RNF145: variants seen among roughly 807,000 people sequenced by gnomAD.
RNF145 encodes the protein ring finger protein 145.
Under a neutral mutation model 57.3 loss-of-function variants are expected in RNF145, and 12 were observed. The ratio of observed to expected loss-of-function variants is 0.21; its 90% CI spans 0.13 to 0.34. The LOEUF (loss-of-function observed/expected upper bound fraction) is 0.34. Ranked by LOEUF, RNF145 falls within the 10% of genes least tolerant of loss-of-function variation. RNF145 has a pLI of 1.00. For missense variants in RNF145, 429 were observed against 799.0 expected (o/e 0.54, Z 5.58); for synonymous variants, 262 against 288.3 (o/e 0.91, Z 0.92).
chr5:159,158,739 T>G lies in RNF145; in HGVS notation c.1923A>C (p.Glu641Asp), dbSNP rs753811400. Residue 641 changes from glutamate (E) to aspartate (D), a missense_variant, in exon 11 of 11, where the codon GAA becomes GAC. Around this residue, in one of 4 missense-constraint regions of RNF145, gnomAD observed 102 missense variants for 106.2 expected, o/e 0.96. Transcript: ENST00000424310. ...EYIARRPDNQ[E>D]GAFDPKEYPH... ...GATATTCTTTGGGGTCAAAAGCCCC[T>G]TCCTGGTTATCTGGTCGTCTGGCAA... 8.1e-6 allele frequency: 13 copies of G among 1,613,992 alleles called. No homozygotes were observed. The South Asian group carries it at 1.4e-4, about 18-fold the overall frequency.
chr5:159,208,682 T>C (rs949475851), intron 1 of RNF145, among the ~76,000 whole-genome samples: 2 of 150,166 alleles, frequency 1.3e-5, no homozygotes, highest in Non-Finnish European at 3.0e-5. Flanking sequence ...CAAAGCAGGG[T>C]AAGACGAAGG....
chr5:159,167,673 T>C (rs1464844046), intron 8 of RNF145, among the ~76,000 whole-genome samples: 2 of 152,216 alleles, frequency 1.3e-5, no homozygotes, highest in Non-Finnish European at 1.5e-5. Context: ...TTCAACATTT[T>C]AAATGCTTCA....
At chr5:159,161,055 C>G (rs78787497) in intron 10 of RNF145, 398 of 497,570 alleles carry the variant, frequency 8.0e-4, no homozygotes, top group Non-Finnish European at 1.3e-3. Flanking sequence ...AACAACAATA[C>G]ATTAGAACCC....
chr5:159,158,862 C>T lies in RNF145; in HGVS notation c.1800G>A (p.Glu600=), dbSNP rs1265314263. The T allele has an allele frequency of 1.9e-6, 3 of 1,613,778 alleles. No homozygotes were observed. Among genetic ancestry groups the T allele is most frequent in the Non-Finnish European group, 2.5e-6 (3 of 1,179,872 alleles). ...EPVLQPHAGA[E]QNVMFQEGTE... is the part of the protein sequence containing the mutation. The stretch of plus-strand genomic sequence containing the variant: ...TACCTTCCTGAAACATGACGTTTTG[C>T]TCAGCTCCAGCATGAGGCTGTAGAA... The change falls in exon 11 of 11, where the codon GAG becomes GAA. Residue 600 remains glutamate (E), a synonymous_variant. Transcript: ENST00000424310.
intron 1 of RNF145, 97 bp downstream of exon 1, chr5:159,209,134 G>A: frequency 3.2e-6 from 1 of 317,360 alleles, no homozygotes; most frequent in Non-Finnish European, 4.5e-6. Context: ...GGGAGAAGAG[G>A]AAGGAGCCTG....
intron 8 of RNF145, among the ~76,000 whole-genome samples, chr5:159,166,173 T>A (rs1038759190): frequency 1.3e-5 from 2 of 152,200 alleles, no homozygotes; most frequent in Non-Finnish European, 2.9e-5. Flanking sequence ...CACATTTCCC[T>A]TATCATGAAT....
intron 3 of RNF145, among the ~76,000 whole-genome samples, chr5:159,190,933 T>G (rs1785268780): frequency 6.6e-6 from 1 of 152,104 alleles, no homozygotes; most frequent in African/African-American, 2.4e-5. Flanking sequence ...ATGCCATATC[T>G]TGAAATTCAT....
rs930900860 is a variant in RNF145, at chr5:159,161,210, G to A, written c.1626+56C>T. The A allele has an allele frequency of 1.8e-5, 20 of 1,137,112 alleles. No individual in the cohort carries two copies. The Admixed American group carries it at 4.3e-4, about 25-fold the overall frequency. The allele number at this position is 1,137,112 out of a possible 1,614,324, so 70.4% of individuals were successfully genotyped here. On this transcript the variant is annotated intron_variant, in intron 10 of 10. Coordinates refer to ENST00000424310, the MANE Select transcript of RNF145 (RefSeq NM_001199383.2). ...GTTGAATTTGGTTAATATGGTTACA[G>A]TCCCAAGGGATACACTGTATGACTT...
At chr5:159,206,370 A>G (rs1029782090) in intron 1 of RNF145, among the ~76,000 whole-genome samples, 1 of 152,222 alleles carries the variant, frequency 6.6e-6, no homozygotes, top group African/African-American at 2.4e-5. Context: ...ATCAAAGAGA[A>G]AAAAATTTCA....
At chr5:159,208,279 A>G (rs1785973765) in intron 1 of RNF145, 1 of 567,262 alleles carries the variant, frequency 1.8e-6, no homozygotes, top group African/African-American at 1.9e-5. Context: ...CTCTTCCAGG[A>G]AAGAGGCTCG....
At chr5:159,184,047 C>G (rs1784982602) in intron 3 of RNF145, among the ~76,000 whole-genome samples, 1 of 152,116 alleles carries the variant, frequency 6.6e-6, no homozygotes, top group Non-Finnish European at 1.5e-5. Flanking sequence ...AGGAGAAAGC[C>G]ACAAAGTGCC....
intron 1 of RNF145, chr5:159,207,733 T>A (rs1278982386): frequency 6.2e-7 from 1 of 1,613,992 alleles, no homozygotes; most frequent in East Asian, 2.2e-5. Context: ...TCCCACTCCT[T>A]GCTAGCTAAC....
At chr5:159,185,830 C>T (rs1185186672) in intron 3 of RNF145, among the ~76,000 whole-genome samples, 2 of 152,144 alleles carry the variant, frequency 1.3e-5, no homozygotes, top group East Asian at 3.8e-4. Flanking sequence ...CTGATAATCA[C>T]CCCAAGGCAC....
In RNF145 at chr5:159,186,915, G is replaced by A. The variant is rs534586937; in HGVS notation, c.294-4864C>T. ...GGAGAATCACTTGAGCCCTGGAGGC[G>A]GAGGTTGCAGTGAGCCAAGATTGCA... On this transcript the variant is annotated intron_variant, in intron 3 of 10. Coordinates refer to ENST00000424310, the MANE Select transcript of RNF145 (RefSeq NM_001199383.2). 4.9e-4 allele frequency among the ~76,000 whole-genome samples: 75 copies of A among 152,124 alleles called. 2 individuals carry two copies. The highest frequency in any genetic ancestry group is 1.4e-3 in the African/African-American group (59 of 41,508).
intron 1 of RNF145, among the ~76,000 whole-genome samples, chr5:159,204,709 C>A (rs1436457640): frequency 7.1e-6 from 1 of 141,384 alleles, no homozygotes; most frequent in African/African-American, 2.7e-5. Flanking sequence ...GAGGCTAGGG[C>A]AGAAGAATTG....
In RNF145 at chr5:159,203,600, T is replaced by G. The variant is rs372532966; in HGVS notation, c.18A>C (p.Lys6Asn). MAAKE[K>N]LEAVLNVALR... ...GGGCCACATTTAACACTGCCTCCAG[T>G]TTCTCCTTTGCAGCCATGTTGTTTT... Residue 6 changes from lysine to asparagine, a missense_variant, in exon 2 of 11, where the codon AAA (lysine) becomes AAC (asparagine). By Grantham distance (94) the Lys-to-Asn change is moderately conservative (BLOSUM62 0). This residue lies in a region of RNF145 where 109 missense variants were observed against 207.2 expected (regional missense o/e 0.53). Transcript: ENST00000424310. 5.0e-6 allele frequency: 8 copies of G among 1,613,726 alleles called. No individual in the cohort carries two copies. The highest frequency in any genetic ancestry group is 5.9e-6 in the Non-Finnish European group (7 of 1,179,958).
At chr5:159,169,611 TTCA>T in intron 7 of RNF145, 65 bp downstream of exon 7, 1 of 1,314,732 alleles carries the variant, frequency 7.6e-7, no homozygotes, top group South Asian at 1.7e-5. Context: ...GCCAAAGAAA[TTCA>T]TCATTACTTC....
Position 159,209,418 on chromosome 5 carries a change from A to G in RNF145, c.-227T>C. ...CTTCTGGGGAGGCGGAGGCAGCGGCAGCGGCAGCGGCCCGGCCCGTACGGT... is the reference window on the plus strand; with the variant it reads ...CTTCTGGGGAGGCGGAGGCAGCGGCGGCGGCAGCGGCCCGGCCCGTACGGT... On this transcript the variant is annotated 5_prime_UTR_variant, in exon 1 of 11. Transcript: ENST00000424310. 1.0e-6 allele frequency: 1 copy of G among 985,168 alleles called. No individual in the cohort carries two copies. Among genetic ancestry groups the G allele is most frequent in the South Asian group, 4.5e-5 (1 of 22,070 alleles). 61.0% of individuals were successfully genotyped at this position (985,168 alleles called of 1,614,324 possible). A position where few individuals can be genotyped will look rare whatever the true frequency, so the allele number is the denominator to read the frequency against.
intron 5 of RNF145, among the ~76,000 whole-genome samples, chr5:159,175,973 T>G (rs958610895): frequency 2.0e-5 from 3 of 152,190 alleles, no homozygotes; most frequent in Non-Finnish European, 4.4e-5. Flanking sequence ...TGTGTATTGT[T>G]TGTATCTGGG....
Sources: allele counts gnomAD v4.1 joint callset (sites outside exome capture counted in the v4.1 genomes callset), GRCh38; gene constraint gnomAD v4.1.1; regional missense constraint gnomAD v4.1.1; transcripts MANE v1.5; gene names NCBI Gene and HGNC (gene_info 2026-07-23, HGNC 2026-07-21).